The following SCGB2B2 variants were observed in gnomAD, a reference collection of about 807,000 sequenced individuals.
SCGB2B2 encodes the protein secretoglobin family 2B member 2.
SCGB2B2 carries 11 observed loss-of-function variants against 7.6 expected under a neutral mutation model. That is an observed-to-expected ratio of 1.45 (90% CI 0.91 to 2.40). The LOEUF (loss-of-function observed/expected upper bound fraction) is 2.40. Among genes scored for constraint, SCGB2B2 ranks in the 30% most tolerant of loss-of-function variants. The pLI, the probability that SCGB2B2 is intolerant of heterozygous loss-of-function variation, is 0.00. For missense variants in SCGB2B2, 104 were observed against 115.4 expected, an observed-to-expected ratio of 0.90 and a Z score of 0.45; for synonymous variants, 50 against 48.6, an observed-to-expected ratio of 1.03 and a Z score of -0.12.
chr19:34,635,695 C>A, intron 1 of SCGB2B2: 1 of 187,742 alleles, frequency 5.3e-6, no homozygotes. Context: ...TGATACCCTT[C>A]TCCAATGTGA....
At chr19:34,608,054 T>A (rs1209793442) in intron 1 of SCGB2B2, among the ~76,000 whole-genome samples, 1 of 152,166 alleles carries the variant, frequency 6.6e-6, no homozygotes, top group African/African-American at 2.4e-5. Flanking sequence ...TCACTTTGGG[T>A]ATTATGAATA....
chr19:34,671,832 A>G (rs977160671), intron 1 of SCGB2B2, among the ~76,000 whole-genome samples: 1 of 152,214 alleles, frequency 6.6e-6, no homozygotes, highest in Admixed American at 6.5e-5. Flanking sequence ...AAATTCATTT[A>G]TTCCAGATTT....
At chr19:34,675,590 A>G (rs2085464) in intron 1 of SCGB2B2, 40 bp downstream of exon 1, 98,716 of 152,158 alleles carry the variant, frequency 0.65, 32,978 homozygotes, top group African/African-American at 0.8. Context: ...TAAAGAAGCC[A>G]GCCAAAACCC....
chr19:34,590,582 G>C (rs2065274590), downstream of SCGB2B2, among the ~76,000 whole-genome samples: 2 of 152,216 alleles, frequency 1.3e-5, no homozygotes, highest in African/African-American at 4.8e-5. Context: ...ATTTCTGTGG[G>C]TGCCGGAGAA....
intron 1 of SCGB2B2, among the ~76,000 whole-genome samples, chr19:34,661,040 C>G (rs1191706264): frequency 6.7e-6 from 1 of 149,736 alleles, no homozygotes; most frequent in Non-Finnish European, 1.5e-5. Context: ...AGCCAAACAC[C>G]ACATATTCTC....
At chr19:34,621,956 G>A (rs2066253140) in intron 1 of SCGB2B2, among the ~76,000 whole-genome samples, 1 of 152,178 alleles carries the variant, frequency 6.6e-6, no homozygotes. Flanking sequence ...TAACTGGACT[G>A]TAGATTCCTC....
chr19:34,656,542 G>T (rs1157327094), intron 1 of SCGB2B2, among the ~76,000 whole-genome samples: 1 of 151,248 alleles, frequency 6.6e-6, no homozygotes, highest in Non-Finnish European at 1.5e-5. Context: ...GGATGAGGCT[G>T]CAGTGAGCCA....
chr19:34,626,163 CAG>C (rs2066370985), intron 1 of SCGB2B2, among the ~76,000 whole-genome samples: 1 of 152,136 alleles, frequency 6.6e-6, no homozygotes. Flanking sequence ...GGGGAAAAAA[CAG>C]AGCAGAAAAA....
rs930223657 is a variant in SCGB2B2 at position 34,593,360 on chromosome 19, G to T, written c.*195C>A. The T allele has an allele frequency of 5.6e-6, 3 of 534,112 alleles. No individual in the cohort carries two copies. The African/African-American group carries it at 5.7e-5, about 10-fold the overall frequency. 33.1% of individuals were successfully genotyped at this position (534,112 alleles called of 1,614,324 possible). ...ACACCTGTAGAGTTTTTCCTCAGTC[G>T]CATATTTTCACACTGGGACCCTGGT... On this transcript the variant is annotated 3_prime_UTR_variant, in exon 4 of 4. Transcript: ENST00000601241.
rs995404679 is a variant in SCGB2B2 at position 34,592,075 on chromosome 19, A to G, written c.*1480T>C. The stretch of plus-strand genomic sequence containing the variant: ...ATGGAAAGTGCATTAAATGAGGCCA[A>G]TTCTGGGGACAGAGGGGAGATGATG... On this transcript the variant is annotated 3_prime_UTR_variant, in exon 4 of 4. Coordinates refer to ENST00000601241, the MANE Select transcript of SCGB2B2 (RefSeq NM_001025591.4). Among the ~76,000 whole-genome samples, 3 of 152,160 alleles carry G rather than the reference A, an allele frequency of 2.0e-5. No homozygotes were observed. The highest frequency in any genetic ancestry group is 4.8e-5 in the African/African-American group (2 of 41,444).
intron 1 of SCGB2B2, among the ~76,000 whole-genome samples, chr19:34,665,196 C>T (rs1043822959): frequency 6.6e-6 from 1 of 152,218 alleles, no homozygotes; most frequent in Non-Finnish European, 1.5e-5. Flanking sequence ...CCCTCACCCA[C>T]ACACTCTGGC....
intron 1 of SCGB2B2, among the ~76,000 whole-genome samples, chr19:34,668,475 G>A (rs931515615): frequency 3.3e-5 from 5 of 152,106 alleles, no homozygotes; most frequent in African/African-American, 9.7e-5. Context: ...GACGAGCGCC[G>A]CCCCCTGCTC....
intron 1 of SCGB2B2, chr19:34,608,722 C>T (rs1232883812): frequency 8.1e-6 from 1 of 124,072 alleles, no homozygotes; most frequent in Non-Finnish European, 1.6e-5. Flanking sequence ...TTGATGGACA[C>T]TGAGGTTGAG....
chr19:34,602,759 T>C (rs1302383248), intron 1 of SCGB2B2, among the ~76,000 whole-genome samples: 1 of 152,146 alleles, frequency 6.6e-6, no homozygotes, highest in Non-Finnish European at 1.5e-5. Context: ...CTTTTCCTTA[T>C]CTCCCTTTAG....
chr19:34,669,139 C>A (rs569278015), intron 1 of SCGB2B2, among the ~76,000 whole-genome samples: 1 of 152,200 alleles, frequency 6.6e-6, no homozygotes, highest in South Asian at 2.1e-4. Flanking sequence ...CAACTCCAGA[C>A]GCGCCGCCTT....
At chr19:34,602,593 A>G (rs1365459759) in intron 1 of SCGB2B2, among the ~76,000 whole-genome samples, 1 of 152,074 alleles carries the variant, frequency 6.6e-6, no homozygotes, top group Middle Eastern at 3.2e-3. Flanking sequence ...GGGAAATGAA[A>G]AGGAAGAGGA....
intron 1 of SCGB2B2, among the ~76,000 whole-genome samples, chr19:34,616,125 T>C (rs2066071509): frequency 6.7e-6 from 1 of 149,440 alleles, no homozygotes; most frequent in African/African-American, 2.5e-5. Context: ...TCTTTGCTAT[T>C]GTGAATAGTG....
intron 1 of SCGB2B2, among the ~76,000 whole-genome samples, chr19:34,666,620 G>A (rs573356975): frequency 5.1e-4 from 78 of 152,112 alleles, no homozygotes; most frequent in Non-Finnish European, 8.8e-4. Context: ...CACGCCCACC[G>A]GGCCTGCCCC....
At chr19:34,613,484 A>C (rs931037981) in intron 1 of SCGB2B2, among the ~76,000 whole-genome samples, 11 of 152,246 alleles carry the variant, frequency 7.2e-5, no homozygotes, top group African/African-American at 2.7e-4. Flanking sequence ...CATTTAAAAA[A>C]TATCAATTCA....
Sources: allele counts gnomAD v4.1 joint callset (sites outside exome capture counted in the v4.1 genomes callset), GRCh38; gene constraint gnomAD v4.1.1; transcripts MANE v1.5; gene names NCBI Gene and HGNC (gene_info 2026-07-23, HGNC 2026-07-21).